DMD: variants seen among roughly 807,000 people sequenced by gnomAD.
DMD encodes dystrophin.
In DMD, 63 loss-of-function variants were observed where a neutral mutation model predicts 330.1. The ratio of observed to expected loss-of-function variants is 0.19; its 90% confidence interval spans 0.16 to 0.24. The LOEUF is 0.24. DMD is among the 10% of genes least tolerant of loss of function. The pLI is 1.00. For missense variants in DMD, 3,344 were observed against 2,684.1 expected (o/e 1.25, Z -5.43); for synonymous variants, 1,223 against 959.8 (o/e 1.27, Z -5.07).
chrX:31,219,921 C>T (rs1325963678), intron 64 of DMD, among the ~76,000 whole-genome samples: 1 of 110,222 alleles, frequency 9.1e-6, no homozygotes, highest in Non-Finnish European at 1.9e-5. Context: ...TATATGACAG[C>T]GAGCCCATGA....
At chrX:33,273,902 C>T (rs926179658) in intron 1 of DMD, among the ~76,000 whole-genome samples, 1 of 112,019 alleles carries the variant, frequency 8.9e-6, no homozygotes, top group Admixed American at 9.5e-5. Context: ...GAAATATTGC[C>T]TCACAATACC....
chrX:32,789,585 C>T (rs373797963), intron 7 of DMD, among the ~76,000 whole-genome samples: 3 of 111,922 alleles, frequency 2.7e-5, no homozygotes, highest in African/African-American at 6.5e-5. Flanking sequence ...AGAAATAACA[C>T]GGACTTTAAG....
intron 4 of DMD, among the ~76,000 whole-genome samples, chrX:32,827,135 A>T: frequency 1.9e-5 from 2 of 104,819 alleles, no homozygotes; most frequent in Middle Eastern, 9.5e-3. Flanking sequence ...TTTTCCAATA[A>T]AATTTATCTA....
chrX:31,584,352 T>C (rs978275221), intron 55 of DMD, among the ~76,000 whole-genome samples: 6 of 110,261 alleles, frequency 5.4e-5, no homozygotes, highest in Non-Finnish European at 9.5e-5. Flanking sequence ...AGTGAGAACA[T>C]GTGATATTTG....
intron 60 of DMD, among the ~76,000 whole-genome samples, chrX:31,368,501 T>C (rs2059378005): frequency 1.8e-5 from 2 of 111,820 alleles, no homozygotes; most frequent in South Asian, 7.5e-4. Context: ...TGGCTTTCCA[T>C]ATTTCAGGCT....
At chrX:31,313,288 A>G (rs758836053) in intron 62 of DMD, among the ~76,000 whole-genome samples, 1 of 110,803 alleles carries the variant, frequency 9.0e-6, no homozygotes, top group East Asian at 2.8e-4. Flanking sequence ...TGCCCAAAGC[A>G]GCAAAGAGTA....
intron 27 of DMD, among the ~76,000 whole-genome samples, chrX:32,444,217 A>C (rs1569562706): frequency 9.0e-6 from 1 of 110,606 alleles, no homozygotes; most frequent in African/African-American, 3.3e-5. Flanking sequence ...TGATTTAGCA[A>C]GGAAACTATT....
Position 33,157,358 on chromosome X carries a change from CTCT to C in DMD, c.31+53921_31+53923del, listed in dbSNP as rs775359727. Among the ~76,000 whole-genome samples, 3 of 111,790 alleles carry C rather than the reference CTCT, an allele frequency of 2.7e-5. No homozygotes were observed. The East Asian group carries it at 8.5e-4, about 32-fold the overall frequency. ...CCTGTGTGTCTTCTCTGTATTTCTT[CTCT>C]TCTTCTTATAAGGACATCAGCCATG... On this transcript the variant is annotated intron_variant, in intron 1 of 78. Transcript: ENST00000357033.
intron 60 of DMD, among the ~76,000 whole-genome samples, chrX:31,351,746 C>CAAAAAAAAAAAAAAAAAAAAAA (rs1300313892): frequency 1.5e-4 from 11 of 71,556 alleles, no homozygotes; most frequent in African/African-American, 5.7e-4. Flanking sequence ...AAAAAAAAAG[C>CAAAAAAAAAAAAAAAAAAAAAA]AAAAAAGGAG....
intron 12 of DMD, among the ~76,000 whole-genome samples, chrX:32,608,730 T>C (rs2056934129): frequency 9.0e-6 from 1 of 110,807 alleles, no homozygotes; most frequent in South Asian, 3.7e-4. Context: ...GAGCATCAAT[T>C]ATTGACTAAG....
intron 61 of DMD, among the ~76,000 whole-genome samples, chrX:31,330,546 A>G (rs759678595): frequency 1.8e-5 from 2 of 111,852 alleles, no homozygotes; most frequent in East Asian, 2.8e-4. Context: ...AAAAAGAGGA[A>G]AACAGAAATG....
chrX:32,247,872 T>A (rs72626027), intron 43 of DMD, among the ~76,000 whole-genome samples: 1,423 of 111,859 alleles, frequency 0.013, 22 homozygotes, highest in East Asian at 0.098. Context: ...GTCACACTAA[T>A]CTTTGTTGAA....
intron 2 of DMD, among the ~76,000 whole-genome samples, chrX:32,868,555 C>T (rs952694643): frequency 8.9e-6 from 1 of 112,267 alleles, no homozygotes; most frequent in Non-Finnish European, 1.9e-5. Context: ...CACCATTTTT[C>T]CCCTTCAGGT....
At chrX:32,884,724 C>T (rs2084355587) in intron 2 of DMD, among the ~76,000 whole-genome samples, 1 of 111,601 alleles carries the variant, frequency 9.0e-6, no homozygotes, top group South Asian at 3.8e-4. Context: ...TAGTCTATTA[C>T]CATGAAATAC....
chrX:31,559,267 A>G (rs2075038202), intron 55 of DMD, among the ~76,000 whole-genome samples: 1 of 110,807 alleles, frequency 9.0e-6, no homozygotes, highest in Non-Finnish European at 1.9e-5. Flanking sequence ...TTCTCTAGCT[A>G]TTGCCTCATT....
intron 2 of DMD, among the ~76,000 whole-genome samples, chrX:32,999,806 C>CA (rs375961835): frequency 0.11 from 10,713 of 97,523 alleles, 551 homozygotes; most frequent in Non-Finnish European, 0.16. Flanking sequence ...AAACAAAAAA[C>CA]AAAAAAAAAA....
intron 44 of DMD, among the ~76,000 whole-genome samples, chrX:31,970,202 T>A (rs1193013469): frequency 9.1e-6 from 1 of 109,713 alleles, no homozygotes; most frequent in Non-Finnish European, 1.9e-5. Context: ...AATCTATGAA[T>A]AAGGGAAGTG....
intron 1 of DMD, among the ~76,000 whole-genome samples, chrX:33,100,084 G>A (rs762479101): frequency 8.4e-4 from 94 of 111,937 alleles, no homozygotes; most frequent in African/African-American, 2.9e-3. Flanking sequence ...AGGCATTGTT[G>A]ACTCAAGGAC....
chrX:33,190,712 C>T (rs1408890233), intron 1 of DMD, among the ~76,000 whole-genome samples: 1 of 14,525 alleles, frequency 6.9e-5, no homozygotes, highest in African/African-American at 9.7e-5. Context: ...TGGTCTCGAT[C>T]TCCTGACCTC....
Sources: gnomAD v4.1 joint callset for allele counts (sites outside exome capture counted in the v4.1 genomes callset) on GRCh38, gnomAD v4.1.1 for gene constraint, MANE v1.5 for transcripts, NCBI Gene and HGNC (gene_info 2026-07-23, HGNC 2026-07-21) for gene names.